The following BFSP1 variants were observed in gnomAD, a reference collection of about 807,000 sequenced individuals.
The protein encoded by BFSP1 is filensin.
A neutral mutation model predicts 43.9 loss-of-function variants in BFSP1; 38 were observed. The ratio of observed to expected loss-of-function variants is 0.87; its 90% CI spans 0.67 to 1.14. The LOEUF is 1.14. Among genes scored for constraint, BFSP1 ranks in the 50% most tolerant of loss-of-function variants. BFSP1 has a pLI of 0.00. For missense variants in BFSP1, 850 were observed against 875.1 expected (o/e 0.97, Z 0.36); for synonymous variants, 352 against 354.8 (o/e 0.99, Z 0.09).
intron 1 of BFSP1, among the ~76,000 whole-genome samples, chr20:17,553,850 C>CACACACACACACAT (rs1555805827): frequency 1.3e-5 from 1 of 77,306 alleles, no homozygotes; most frequent in African/African-American, 5.8e-5. Context: ...CATATATATA[C>CACACACACACACAT]ATATATATAC....
Position 17,531,253 on chromosome 20 carries a change from T to G in BFSP1, c.77A>C (p.Glu26Ala). 7.0e-7 allele frequency: 1 copy of G among 1,429,978 alleles called. No individual in the cohort carries two copies. Among genetic ancestry groups the G allele is most frequent in the Non-Finnish European group, 9.1e-7 (1 of 1,093,028 alleles). 88.6% of individuals were successfully genotyped at this position (1,429,978 alleles called of 1,614,324 possible). A position where few individuals can be genotyped will look rare whatever the true frequency, so the allele number is the denominator to read the frequency against. The change falls in exon 1 of 8, where the codon GAG becomes GCG. Residue 26 changes from glutamate (E) to alanine (A), a missense_variant. Glu to Ala is a moderately radical substitution (Grantham distance 107). Transcript: ENST00000377873. The stretch of plus-strand genomic sequence containing the variant: ...GCCCTCGTCGGCCGGGCGCTCGGGC[T>G]CGGCGGCGCGCGAAGCCTCGTCGGC... ...EHADEASRAA[E>A]PERPADEGWA...
chr20:17,549,186 C>T (rs1233828063), intron 1 of BFSP1, among the ~76,000 whole-genome samples: 1 of 152,156 alleles, frequency 6.6e-6, no homozygotes, highest in African/African-American at 2.4e-5. Context: ...GTTTGTTATT[C>T]CTTCTCAGCC....
chr20:17,501,164 T>A (rs1013509824), intron 5 of BFSP1, among the ~76,000 whole-genome samples: 2 of 152,250 alleles, frequency 1.3e-5, no homozygotes, highest in African/African-American at 4.8e-5. Context: ...ATGTACCTAC[T>A]GGACACCCTG....
chr20:17,510,090 A>G (rs73902007), intron 4 of BFSP1, among the ~76,000 whole-genome samples: 393 of 152,326 alleles, frequency 2.6e-3, no homozygotes, highest in African/African-American at 9.0e-3. Context: ...AGAATTGCTA[A>G]GCTAAGACTC....
chr20:17,566,090 C>G (rs1259556655), intron 1 of BFSP1, among the ~76,000 whole-genome samples: 1 of 136,300 alleles, frequency 7.3e-6, no homozygotes, highest in African/African-American at 2.7e-5. Context: ...TGTACTCCAG[C>G]CTGGGTGACA....
rs377310167 is a variant in BFSP1, at chr20:17,497,266, T to G, written c.957-243A>C. Among the ~76,000 whole-genome samples the G allele has an allele frequency of 2.0e-4, 30 of 151,996 alleles. No homozygotes were observed. The South Asian group carries it at 5.8e-3, about 29-fold the overall frequency. ...AACATACCTATAAAAAATTGTAAAG[T>G]GGGGATTGCTTATAACCTAAAAATG... is the stretch of plus-strand genomic sequence containing the variant. On this transcript the variant is annotated intron_variant, in intron 6 of 7. Transcript: ENST00000377873.
Position 17,499,140 on chromosome 20 carries a change from T to C in BFSP1, c.736-100A>G, listed in dbSNP as rs1221897480. 11 of 1,049,746 alleles carry C rather than the reference T, an allele frequency of 1.0e-5. No homozygotes were observed. In the Admixed American group the frequency reaches 2.1e-4, roughly 20 times the overall value. The allele number at this position is 1,049,746 out of a possible 1,614,324, so 65.0% of individuals were successfully genotyped here. On this transcript the variant is annotated intron_variant, in intron 5 of 7. Transcript: ENST00000377873. Reference sequence around the variant, plus strand: ...ACCTGGACTCGGTGAATGTTTTATGTTGTTTGTGTGTTTCTCTGTCCATTC... The same window carrying C: ...ACCTGGACTCGGTGAATGTTTTATGCTGTTTGTGTGTTTCTCTGTCCATTC...
At chr20:17,564,235 TG>T (rs1213327072) in intron 1 of BFSP1, among the ~76,000 whole-genome samples, 2 of 151,752 alleles carry the variant, frequency 1.3e-5, no homozygotes, top group Non-Finnish European at 2.9e-5. Flanking sequence ...ATGGTGGTGG[TG>T]TGAGCTTGTG....
chr20:17,501,064 G>C (rs749725422), intron 5 of BFSP1, among the ~76,000 whole-genome samples: 1 of 152,104 alleles, frequency 6.6e-6, no homozygotes, highest in Non-Finnish European at 1.5e-5. Context: ...CCGGTCCATG[G>C]GCCACACTTC....
At chr20:17,558,076 C>T (rs540092020) in intron 1 of BFSP1, among the ~76,000 whole-genome samples, 22 of 152,092 alleles carry the variant, frequency 1.4e-4, no homozygotes, top group African/African-American at 5.3e-4. Flanking sequence ...TTCCAGATTC[C>T]TTACATCTCT....
intron 1 of BFSP1, among the ~76,000 whole-genome samples, chr20:17,567,856 A>T (rs2035138279): frequency 6.7e-6 from 1 of 149,274 alleles, no homozygotes; most frequent in Non-Finnish European, 1.5e-5. Flanking sequence ...AGTGAAACTC[A>T]GTCTCAAAAA....
chr20:17,506,226 G>A (rs1340583742), intron 5 of BFSP1, among the ~76,000 whole-genome samples: 1 of 152,172 alleles, frequency 6.6e-6, no homozygotes, highest in Admixed American at 6.5e-5. Flanking sequence ...GAATGAGACT[G>A]GAAGCAAATT....
At chr20:17,520,215 CCCA>C (rs1028344071) in intron 2 of BFSP1, among the ~76,000 whole-genome samples, 42 of 139,142 alleles carry the variant, frequency 3.0e-4, no homozygotes, top group African/African-American at 1.2e-3. Flanking sequence ...AACGTGCCCC[CCCA>C]CCCCGCCCAC....
At chr20:17,554,248 C>G (rs2034955266) in intron 1 of BFSP1, among the ~76,000 whole-genome samples, 1 of 152,122 alleles carries the variant, frequency 6.6e-6, no homozygotes, top group African/African-American at 2.4e-5. Flanking sequence ...ACAGGTAAGT[C>G]TTGCCTTATA....
intron 1 of BFSP1, among the ~76,000 whole-genome samples, chr20:17,529,064 AGTGTGTGT>A (rs11473581): frequency 1.4e-5 from 2 of 147,096 alleles, no homozygotes; most frequent in Non-Finnish European, 1.5e-5. Flanking sequence ...TGGTTAAATA[AGTGTGTGT>A]GTGTGTGTGT....
At chr20:17,554,810 T>C (rs551175839) in intron 1 of BFSP1, among the ~76,000 whole-genome samples, 24 of 152,346 alleles carry the variant, frequency 1.6e-4, no homozygotes, top group Middle Eastern at 6.8e-3. Context: ...TTGTTGCTTA[T>C]ATCTCATTCC....
chr20:17,555,288 CAAAA>C (rs929219257), intron 1 of BFSP1, among the ~76,000 whole-genome samples: 4 of 44,102 alleles, frequency 9.1e-5, no homozygotes, highest in Non-Finnish European at 1.8e-4. Context: ...TCCTATCTCA[CAAAA>C]AAAAAAAAAA....
chr20:17,541,194 C>T, intron 1 of BFSP1: 1 of 917,306 alleles, frequency 1.1e-6, no homozygotes, highest in Non-Finnish European at 1.3e-6. Context: ...TAGTGAGACC[C>T]TGTCTCTAAA....
rs1374439224 is a variant in BFSP1 at position 17,494,765 on chromosome 20, T to C, written c.1307A>G (p.Gln436Arg). ...TAGTTTCCCAAAGCCTTTGCTTATC[T>C]GCCCTCCATCTGGCACATCCTCTGG... ...GAPEDVPDGG[Q>R]ISKGFGKLYR... Residue 436 changes from glutamine (Q) to arginine (R), a missense_variant, in exon 8 of 8, where the codon CAG becomes CGG. Physicochemically the swap from Gln to Arg is conservative, Grantham distance 43. Transcript: ENST00000377873. 2.5e-6 allele frequency: 4 copies of C among 1,614,220 alleles called. No individual in the cohort carries two copies. In the Admixed American group the frequency reaches 5.0e-5, roughly 20 times the overall value.
Sources: gnomAD v4.1 joint callset for allele counts (sites outside exome capture counted in the v4.1 genomes callset) on GRCh38, gnomAD v4.1.1 for gene constraint, MANE v1.5 for transcripts, NCBI Gene and HGNC (gene_info 2026-07-23, HGNC 2026-07-21) for gene names.